Variants in RCBTB2 observed in about 807,000 individuals in gnomAD.
RCBTB2 encodes RCC1 and BTB domain containing protein 2.
Under a neutral mutation model 65.4 loss-of-function variants are expected in RCBTB2, and 55 were observed. The ratio of observed to expected loss-of-function variants is 0.84; its 90% CI spans 0.68 to 1.05. The LOEUF (loss-of-function observed/expected upper bound fraction) is 1.05, where lower values mean the gene tolerates loss of function less well. Among genes scored for constraint, RCBTB2 ranks in the 50% least tolerant of loss-of-function variants. The pLI is 0.00. For synonymous variants in RCBTB2, 220 were observed against 255.2 expected, an observed-to-expected ratio of 0.86 and a Z score of 1.31; for missense variants, 599 against 680.1, an observed-to-expected ratio of 0.88 and a Z score of 1.33.
intron 8 of RCBTB2, 22 bp from the exon 9 acceptor site, chr13:48,511,899 A>G: frequency 1.2e-6 from 2 of 1,613,254 alleles, no homozygotes; most frequent in South Asian, 2.2e-5. Context: ...TGAGACCCTC[A>G]ATCCTCTCAA....
At chr13:48,511,745 G>A (rs370938189) in intron 9 of RCBTB2, 25 bp downstream of exon 9, 18 of 1,573,400 alleles carry the variant, frequency 1.1e-5, no homozygotes, top group South Asian at 5.7e-5. Context: ...AAAAATACAC[G>A]CACACAAACT....
At chr13:48,535,830 A>C, upstream of RCBTB2, 1 of 449,980 alleles carries the variant, frequency 2.2e-6, no homozygotes, top group Non-Finnish European at 4.5e-6. Context: ...TTCTCCAGCC[A>C]TTGGCATACC....
intron 10 of RCBTB2, 43 bp from the exon 11 acceptor site, chr13:48,502,957 C>A: frequency 6.7e-7 from 1 of 1,493,724 alleles, no homozygotes; most frequent in Non-Finnish European, 9.0e-7. Flanking sequence ...GTGACCGGGG[C>A]AGAAACAAGT....
chr13:48,495,242 T>TA (rs924487168), intron 14 of RCBTB2, among the ~76,000 whole-genome samples: 13 of 151,036 alleles, frequency 8.6e-5, no homozygotes, highest in South Asian at 4.2e-4. Context: ...CTGTAAAAGT[T>TA]AAAAAAAAAT....
chr13:48,515,053 C>A (rs9331991), intron 6 of RCBTB2, 152 bp downstream of exon 6: 1 of 703,958 alleles, frequency 1.4e-6, no homozygotes, highest in African/African-American at 1.8e-5. Flanking sequence ...TGCCACATCA[C>A]CTTATGCTGG....
chr13:48,493,989 G>A (rs893760441), intron 14 of RCBTB2, among the ~76,000 whole-genome samples: 8 of 152,166 alleles, frequency 5.3e-5, no homozygotes, highest in Admixed American at 2.6e-4. Context: ...AAAATACTGA[G>A]GACAATGGAG....
At chr13:48,522,137 A>C (rs1405488323) in intron 3 of RCBTB2, among the ~76,000 whole-genome samples, 171 bp downstream of exon 3, 1 of 152,200 alleles carries the variant, frequency 6.6e-6, no homozygotes, top group Non-Finnish European at 1.5e-5. Context: ...AACTCCAAAA[A>C]TGTTTTAACT....
chr13:48,512,969 T>C (rs1950889684), intron 6 of RCBTB2, 74 bp from the exon 7 acceptor site: 2 of 1,216,666 alleles, frequency 1.6e-6, no homozygotes, highest in East Asian at 2.4e-5. Context: ...GTAGCACAGC[T>C]TCCACAAATG....
chr13:48,535,678 C>G (rs1338106062), upstream of RCBTB2: 10 of 456,640 alleles, frequency 2.2e-5, no homozygotes, highest in Non-Finnish European at 4.0e-5. Flanking sequence ...TTTCCATTAT[C>G]TCACCTGAAC....
Position 48,502,777 on chromosome 13 carries a change from TC to T in RCBTB2, c.1063del (p.Asp355ThrfsTer30). 1 of 1,613,716 alleles carries T rather than the reference TC, an allele frequency of 6.2e-7. No individual in the cohort carries two copies. The highest frequency in any genetic ancestry group is 8.5e-7 in the Non-Finnish European group (1 of 1,179,780). ...GGGCGTGGCAAAGCAGGCAAACACGTCGTCAGTGCAGGAGAAGTGGGTGAGG... is the reference window on the plus strand; with the variant it reads ...GGGCGTGGCAAAGCAGGCAAACACGTGTCAGTGCAGGAGAAGTGGGTGAGG... ...PHLTHFSCTD[D>X]VFACFATPAV... is the part of the protein sequence containing the mutation. On this transcript the variant is annotated frameshift_variant, in exon 11 of 15. Coordinates refer to ENST00000344532, the MANE Select transcript of RCBTB2 (RefSeq NM_001268.4). LOFTEE classifies it high-confidence loss of function.
chr13:48,518,743 T>C (rs1317055563), intron 4 of RCBTB2, among the ~76,000 whole-genome samples: 1 of 152,012 alleles, frequency 6.6e-6, no homozygotes, highest in Non-Finnish European at 1.5e-5. Flanking sequence ...ACACTTGGTT[T>C]ACTGAAAAAA....
intron 13 of RCBTB2, 81 bp downstream of exon 13, chr13:48,499,540 G>T: frequency 7.1e-7 from 1 of 1,401,544 alleles, no homozygotes; most frequent in Non-Finnish European, 9.9e-7. Flanking sequence ...CCCTCACAGT[G>T]ACTTTCTTTT....
chr13:48,495,298 A>G (rs1283144583), intron 14 of RCBTB2, among the ~76,000 whole-genome samples: 1 of 152,168 alleles, frequency 6.6e-6, no homozygotes, highest in Non-Finnish European at 1.5e-5. Flanking sequence ...CCACCATTCA[A>G]TGATAACCAC....
At chr13:48,512,664 C>G in intron 7 of RCBTB2, 65 bp downstream of exon 7, 10 of 1,282,466 alleles carry the variant, frequency 7.8e-6, no homozygotes, top group Non-Finnish European at 1.1e-5. Flanking sequence ...ATTTCCAGGA[C>G]TACTATAGAA....
At chr13:48,504,958 C>A (rs1950420573) in intron 10 of RCBTB2, among the ~76,000 whole-genome samples, 2 of 152,120 alleles carry the variant, frequency 1.3e-5, no homozygotes, top group Non-Finnish European at 2.9e-5. Flanking sequence ...TTGAAAACCA[C>A]CCAAAAATAC....
In RCBTB2 at chr13:48,490,101, G is replaced by A; in HGVS notation, c.*10C>T. On this transcript the variant is annotated 3_prime_UTR_variant, in exon 15 of 15. Coordinates refer to ENST00000344532, the MANE Select transcript of RCBTB2 (RefSeq NM_001268.4). ...AATGGAAAGGCTCAAAAACTTTCCT[G>A]CAGATGGGATCAATTTTTAAAGGCT... The A allele has an allele frequency of 6.2e-7, 1 of 1,613,896 alleles. No homozygotes were observed. Among genetic ancestry groups the A allele is most frequent in the Non-Finnish European group, 8.5e-7 (1 of 1,179,882 alleles).
upstream of RCBTB2, chr13:48,535,680 C>T (rs780963899): frequency 2.2e-6 from 1 of 456,720 alleles, no homozygotes; most frequent in Non-Finnish European, 4.4e-6. Context: ...TCCATTATCT[C>T]ACCTGAACTA....
intron 4 of RCBTB2, 132 bp from the exon 5 acceptor site, chr13:48,515,873 G>C: frequency 1.1e-6 from 1 of 887,442 alleles, no homozygotes; most frequent in Non-Finnish European, 1.7e-6. Flanking sequence ...GAGGCCTCTC[G>C]CAGCTGCAGG....
intron 6 of RCBTB2, among the ~76,000 whole-genome samples, chr13:48,513,126 G>T (rs1223372748): frequency 1.3e-5 from 2 of 152,126 alleles, no homozygotes; most frequent in African/African-American, 4.8e-5. Context: ...ATAATAACTG[G>T]AAAATAAGTT....
Sources: gnomAD v4.1 joint callset for allele counts (sites outside exome capture counted in the v4.1 genomes callset) on GRCh38, gnomAD v4.1.1 for gene constraint, MANE v1.5 for transcripts, NCBI Gene and HGNC (gene_info 2026-07-23, HGNC 2026-07-21) for gene names.